THSD7A: variants seen among roughly 807,000 people sequenced by gnomAD.
THSD7A encodes thrombospondin type-1 domain-containing protein 7A.
THSD7A carries 96 observed loss-of-function variants against 231.3 expected under a neutral mutation model. That is an observed-to-expected ratio of 0.41 (90% CI 0.35 to 0.49). The LOEUF is 0.49. Among genes scored for constraint, THSD7A ranks in the 20% least tolerant of loss-of-function variants. THSD7A has a pLI of 0.05. For synonymous variants in THSD7A, 940 were observed against 743.3 expected (o/e 1.26, Z -4.30); for missense variants, 2,290 against 2,070.2 (o/e 1.11, Z -2.06).
At chr7:11,666,776 C>A (rs963775725) in intron 1 of THSD7A, among the ~76,000 whole-genome samples, 4 of 151,168 alleles carry the variant, frequency 2.6e-5, no homozygotes, top group Non-Finnish European at 5.9e-5. Context: ...CATATAAAGA[C>A]TTTTTTAAAC....
At chr7:11,409,146 G>T (rs1390736688) in intron 19 of THSD7A, among the ~76,000 whole-genome samples, 2 of 151,982 alleles carry the variant, frequency 1.3e-5, no homozygotes, top group African/African-American at 2.4e-5. Context: ...TAAGAAATAG[G>T]AAAGAAAAAA....
At chr7:11,684,748 T>G (rs537915046) in intron 1 of THSD7A, among the ~76,000 whole-genome samples, 50 of 152,094 alleles carry the variant, frequency 3.3e-4, no homozygotes, top group Non-Finnish European at 4.4e-5. Flanking sequence ...GGAAAAACAT[T>G]CTATGCTCAT....
intron 1 of THSD7A, among the ~76,000 whole-genome samples, chr7:11,752,665 C>T (rs1174758715): frequency 6.6e-6 from 1 of 151,912 alleles, no homozygotes; most frequent in Non-Finnish European, 1.5e-5. Context: ...CCTTTAATCC[C>T]AACACTTTGT....
At chr7:11,796,822 T>A (rs1784138878) in intron 1 of THSD7A, among the ~76,000 whole-genome samples, 1 of 152,148 alleles carries the variant, frequency 6.6e-6, no homozygotes, top group Non-Finnish European at 1.5e-5. Context: ...CATTTTTCTA[T>A]ACTATGTTAG....
intron 1 of THSD7A, among the ~76,000 whole-genome samples, chr7:11,705,231 G>T (rs1365091364): frequency 1.3e-5 from 2 of 150,846 alleles, no homozygotes; most frequent in Non-Finnish European, 3.0e-5. Context: ...TTAATAAAAA[G>T]CCTCATTATA....
At chr7:11,468,208 G>T (rs1410293833) in intron 9 of THSD7A, among the ~76,000 whole-genome samples, 1 of 151,904 alleles carries the variant, frequency 6.6e-6, no homozygotes, top group Non-Finnish European at 1.5e-5. Flanking sequence ...AAACAGAAAA[G>T]ATCAAGTATA....
rs1783619915 is a variant in THSD7A at position 11,407,342 on chromosome 7, G to A, written c.3880C>T (p.Pro1294Ser). The A allele has an allele frequency of 6.2e-7, 1 of 1,613,608 alleles. No homozygotes were observed. The highest frequency in any genetic ancestry group is 1.3e-5 in the African/African-American group (1 of 75,026). Residue 1294 changes from proline to serine, a missense_variant, in exon 20 of 28, where the codon CCT becomes TCT. Pro to Ser is a moderately conservative substitution (Grantham distance 74). Transcript: ENST00000423059. ...CATGTTTGAGAACATTCTGACCAAG[G>A]AGACCAATCAGAAAGCTGACAGTTC... is the stretch of plus-strand genomic sequence containing the variant. ...PVNCQLSDWS[P>S]WSECSQTCGL...
intron 4 of THSD7A, among the ~76,000 whole-genome samples, chr7:11,579,840 A>C (rs1241267259): frequency 1.3e-5 from 2 of 152,184 alleles, no homozygotes; most frequent in East Asian, 3.8e-4. Flanking sequence ...ACTATGGGGA[A>C]AACAAGGCTT....
chr7:11,378,764 T>G (rs1285409907), intron 26 of THSD7A: 1 of 314,490 alleles, frequency 3.2e-6, no homozygotes, highest in Non-Finnish European at 5.9e-6. Context: ...TTAAAATTCA[T>G]GTTTCTAACT....
intron 1 of THSD7A, among the ~76,000 whole-genome samples, chr7:11,756,507 A>C (rs1027841612): frequency 8.5e-5 from 13 of 152,102 alleles, no homozygotes. Context: ...TGTCTAATGC[A>C]CTTGTTTGGT....
intron 1 of THSD7A, among the ~76,000 whole-genome samples, chr7:11,771,012 A>T (rs1783209382): frequency 2.0e-5 from 3 of 151,362 alleles, no homozygotes; most frequent in Non-Finnish European, 4.4e-5. Flanking sequence ...AGAAAAAGAT[A>T]ATTTCATCAT....
At chr7:11,623,579 T>C (rs1202485352) in intron 2 of THSD7A, among the ~76,000 whole-genome samples, 1 of 152,076 alleles carries the variant, frequency 6.6e-6, no homozygotes, top group Non-Finnish European at 1.5e-5. Flanking sequence ...TCCTCTTCTA[T>C]TGCAGTTCAG....
rs1291549968 is a variant in THSD7A, at chr7:11,809,761, T to C, written c.190+21996A>G. Among the ~76,000 whole-genome samples the C allele has an allele frequency of 3.9e-5, 6 of 152,298 alleles. No individual in the cohort carries two copies. The South Asian group carries it at 1.2e-3, about 32-fold the overall frequency. On this transcript the variant is annotated intron_variant, in intron 1 of 27. Coordinates refer to ENST00000423059, the MANE Select transcript of THSD7A (RefSeq NM_015204.3). ...CTAACGTATATACTAACAACATATT[T>C]CTTACATACAAATGTTCATTGGTTT... is the stretch of plus-strand genomic sequence containing the variant.
chr7:11,407,295 T>C lies in THSD7A; in HGVS notation c.3916+11A>G. The C allele has an allele frequency of 6.2e-7, 1 of 1,604,790 alleles. No individual in the cohort carries two copies. Reference sequence around the variant, plus strand: ...ACCAGTAGCCTAATATAAGTTATGGTACAAACAAACCTGTGAGGCCACATG... The same window carrying C: ...ACCAGTAGCCTAATATAAGTTATGGCACAAACAAACCTGTGAGGCCACATG... On this transcript the variant is annotated intron_variant, in intron 20 of 27. Coordinates refer to ENST00000423059, the MANE Select transcript of THSD7A (RefSeq NM_015204.3).
intron 1 of THSD7A, among the ~76,000 whole-genome samples, chr7:11,646,587 C>G (rs1782291117): frequency 6.6e-6 from 1 of 151,922 alleles, no homozygotes; most frequent in Non-Finnish European, 1.5e-5. Flanking sequence ...AACTTTTTAC[C>G]CATTTCAGGC....
chr7:11,830,064 C>T (rs1176670445), intron 1 of THSD7A, among the ~76,000 whole-genome samples: 1 of 152,160 alleles, frequency 6.6e-6, no homozygotes, highest in Non-Finnish European at 1.5e-5. Flanking sequence ...AAGTGAACTG[C>T]CAAAATTCCT....
At chr7:11,559,520 C>CATAT (rs200390688) in intron 4 of THSD7A, among the ~76,000 whole-genome samples, 7 of 139,422 alleles carry the variant, frequency 5.0e-5, no homozygotes, top group African/African-American at 1.8e-4. Context: ...TATATAAATC[C>CATAT]ATATATATAT....
chr7:11,527,600 GA>G (rs1788532218), intron 6 of THSD7A, among the ~76,000 whole-genome samples: 1 of 152,000 alleles, frequency 6.6e-6, no homozygotes, highest in African/African-American at 2.4e-5. Context: ...AACTTGTTTT[GA>G]AAAGCCACGT....
At chr7:11,495,618 A>G (rs540980067) in intron 6 of THSD7A, among the ~76,000 whole-genome samples, 24 of 152,236 alleles carry the variant, frequency 1.6e-4, no homozygotes, top group Middle Eastern at 3.4e-3. Flanking sequence ...TGCTCTCTAG[A>G]AGCCATTACA....
Sources: allele counts gnomAD v4.1 joint callset (sites outside exome capture counted in the v4.1 genomes callset), GRCh38; gene constraint gnomAD v4.1.1; transcripts MANE v1.5; gene names NCBI Gene and HGNC (gene_info 2026-07-23, HGNC 2026-07-21).